Variants in IMPG1 observed in about 807,000 individuals in gnomAD.
IMPG1 encodes the protein interphotoreceptor matrix proteoglycan of 150 kDa.
A neutral mutation model predicts 92.0 loss-of-function variants in IMPG1; 85 were observed. The ratio of observed to expected loss-of-function variants is 0.92; its 90% confidence interval spans 0.78 to 1.11. The LOEUF (loss-of-function observed/expected upper bound fraction) is 1.11, where lower values mean the gene tolerates loss of function less well. Ranked by LOEUF, IMPG1 falls within the 50% of genes least tolerant of loss-of-function variation. The pLI is 0.00. For missense variants in IMPG1, 1,022 were observed against 956.0 expected (o/e 1.07, Z -0.91); for synonymous variants, 367 against 334.1 (o/e 1.10, Z -1.08).
chr6:76,042,682 T>C (rs1036424604), intron 1 of IMPG1, among the ~76,000 whole-genome samples: 2 of 152,116 alleles, frequency 1.3e-5, no homozygotes, highest in African/African-American at 4.8e-5. Flanking sequence ...TAGTTGCATT[T>C]ATAGTACAAG....
At chr6:75,974,376 TTTCTTTCTTTCTTTCTTTTCTTTCTTTCC>T (rs1782486190) in intron 12 of IMPG1, among the ~76,000 whole-genome samples, 1 of 91,042 alleles carries the variant, frequency 1.1e-5, no homozygotes, top group African/African-American at 4.0e-5. Flanking sequence ...TCTTTCTTTC[TTTCTTTCTTTCTTTCTTTTCTTTCTTTCC>T]TTCCTTCCTT....
intron 12 of IMPG1, among the ~76,000 whole-genome samples, chr6:75,967,345 T>C (rs958585014): frequency 5.3e-5 from 8 of 151,922 alleles, no homozygotes; most frequent in African/African-American, 1.9e-4. Context: ...GGGCCTTTGG[T>C]GGGTTGGGGG....
In IMPG1 at chr6:76,022,196, G is replaced by T. The variant is rs767983922; in HGVS notation, c.586C>A (p.Pro196Thr). 1.9e-6 allele frequency: 3 copies of T among 1,591,446 alleles called. No homozygotes were observed. The East Asian group carries it at 6.8e-5, about 36-fold the overall frequency. ...STDVANVSLG[P>T]FPLTPDDTLL... The stretch of plus-strand genomic sequence containing the variant: ...GTGTCATCAGGAGTGAGAGGGAAAG[G>T]CCCAAGTGAGACGTTGGCAACATCT... Residue 196 changes from proline (P) to threonine (T), a missense_variant, in exon 6 of 17, where the codon CCT becomes ACT. Around this residue, in one of 3 missense-constraint regions of IMPG1, gnomAD observed 681 missense variants for 583.6 expected, o/e 1.17. Transcript: ENST00000369950.
chr6:76,035,978 A>G (rs995501354), intron 2 of IMPG1, among the ~76,000 whole-genome samples: 3 of 152,230 alleles, frequency 2.0e-5, no homozygotes, highest in Non-Finnish European at 4.4e-5. Context: ...ATTAAAAATA[A>G]TGATGACAGA....
At chr6:76,027,751 C>T (rs1582115112) in intron 4 of IMPG1, among the ~76,000 whole-genome samples, 1 of 152,160 alleles carries the variant, frequency 6.6e-6, no homozygotes, top group African/African-American at 2.4e-5. Flanking sequence ...CACTAATCTG[C>T]TCTTTGGCAA....
chr6:75,964,363 G>A (rs1259965685), intron 12 of IMPG1, among the ~76,000 whole-genome samples: 3 of 152,128 alleles, frequency 2.0e-5, no homozygotes, highest in African/African-American at 7.2e-5. Flanking sequence ...TGAATTTTAT[G>A]TTATGTGAAT....
rs561500234 is a variant in IMPG1 at position 76,026,040 on chromosome 6, G to T, written c.498-782C>A. Among the ~76,000 whole-genome samples the T allele has an allele frequency of 2.6e-5, 4 of 152,296 alleles. No individual in the cohort carries two copies. In the East Asian group the frequency reaches 5.8e-4, roughly 22 times the overall value. On this transcript the variant is annotated intron_variant, in intron 4 of 16. Coordinates refer to ENST00000369950, the MANE Select transcript of IMPG1 (RefSeq NM_001563.4). The stretch of plus-strand genomic sequence containing the variant: ...TTTGTGCAGTTTGCAGTGGGGAGGA[G>T]CCTGGCCCCTCCTCTTCCTGTGTGG...
chr6:76,070,342 A>G (rs1479518226), intron 1 of IMPG1, among the ~76,000 whole-genome samples: 1 of 152,194 alleles, frequency 6.6e-6, no homozygotes, highest in Non-Finnish European at 1.5e-5. Flanking sequence ...TGTGGAGAAC[A>G]GTAAATGCTT....
At chr6:76,007,197 T>A (rs946103127) in intron 9 of IMPG1, among the ~76,000 whole-genome samples, 6 of 152,196 alleles carry the variant, frequency 3.9e-5, no homozygotes, top group African/African-American at 1.4e-4. Context: ...GCAGCACAGA[T>A]AGTGTTTTTA....
intron 14 of IMPG1, among the ~76,000 whole-genome samples, chr6:75,936,672 T>G (rs1781751964): frequency 6.6e-6 from 1 of 152,206 alleles, no homozygotes; most frequent in Admixed American, 6.5e-5. Context: ...CACACACATC[T>G]TGCCCTGGAT....
Position 76,042,009 on chromosome 6 carries a change from T to C in IMPG1, c.185A>G (p.Asp62Gly). Residue 62 changes from aspartate (D) to glycine (G), a missense_variant, in exon 2 of 17, where the codon GAT (aspartate) becomes GGT (glycine). Transcript: ENST00000369950. ...TCTTTTTGTTCGATGCTTTGCCAAATCGAATATTCGTCTCATAGTTGACAT... is the reference window on the plus strand; with the variant it reads ...TCTTTTTGTTCGATGCTTTGCCAAACCGAATATTCGTCTCATAGTTGACAT... ...YKMSTMRRIF[D>G]LAKHRTKRSA... 1 of 1,613,578 alleles carries C rather than the reference T, an allele frequency of 6.2e-7. No individual in the cohort carries two copies. The highest frequency in any genetic ancestry group is 1.1e-5 in the South Asian group (1 of 91,076).
chr6:76,029,723 C>G (rs768855834), intron 4 of IMPG1, among the ~76,000 whole-genome samples: 1 of 152,130 alleles, frequency 6.6e-6, no homozygotes, highest in Non-Finnish European at 1.5e-5. Context: ...GTGCCCATCA[C>G]CTGGAGGTTT....
At position 75,995,363 on chromosome 6, in the gene IMPG1, G is replaced by A. The variant is rs76792244; in HGVS notation, c.1291+7555C>T. ...AAAACCTTTTAGTGATTCTTTGCAGGGCTTATAAAGCTCTATGCTTCTAGA... is the reference window on the plus strand; with the variant it reads ...AAAACCTTTTAGTGATTCTTTGCAGAGCTTATAAAGCTCTATGCTTCTAGA... On this transcript the variant is annotated intron_variant, in intron 12 of 16. Coordinates refer to ENST00000369950, the MANE Select transcript of IMPG1 (RefSeq NM_001563.4). Among the ~76,000 whole-genome samples the A allele has an allele frequency of 8.5e-3, 1,285 of 152,044 alleles. 11 individuals carry two copies. The highest frequency in any genetic ancestry group is 0.02 in the South Asian group (97 of 4,822).
chr6:76,011,728 CT>C (rs1783188876), intron 7 of IMPG1, among the ~76,000 whole-genome samples: 1 of 108,790 alleles, frequency 9.2e-6, no homozygotes, highest in Non-Finnish European at 1.8e-5. Flanking sequence ...AATGCTATCC[CT>C]CCCCCCTCCC....
At chr6:76,027,231 T>G (rs1395322411) in intron 4 of IMPG1, among the ~76,000 whole-genome samples, 2 of 152,238 alleles carry the variant, frequency 1.3e-5, no homozygotes, top group Admixed American at 6.5e-5. Context: ...ATGCAAGGTT[T>G]GCTAAGTGTT....
intron 12 of IMPG1, among the ~76,000 whole-genome samples, chr6:75,998,414 A>G (rs1782934761): frequency 6.6e-6 from 1 of 152,196 alleles, no homozygotes; most frequent in African/African-American, 2.4e-5. Context: ...AGCTCATGTC[A>G]CGGATTCCTT....
chr6:75,991,860 C>G (rs1193770708), intron 12 of IMPG1, among the ~76,000 whole-genome samples: 1 of 152,160 alleles, frequency 6.6e-6, no homozygotes, highest in Non-Finnish European at 1.5e-5. Flanking sequence ...ATATATGGTA[C>G]TGACATAACG....
Position 75,921,571 on chromosome 6 carries a change from G to A in IMPG1, c.*518C>T, listed in dbSNP as rs1381369484. On this transcript the variant is annotated 3_prime_UTR_variant, in exon 17 of 17. Transcript: ENST00000369950. ...GCCTAATAACTGAATACTGAGGTTT[G>A]TGTTTATCAGACGTAGTGTGGAGCA... The A allele has an allele frequency of 6.5e-6, 1 of 152,726 alleles. No individual in the cohort carries two copies. Among genetic ancestry groups the A allele is most frequent in the Non-Finnish European group, 1.5e-5 (1 of 68,120 alleles). 9.5% of individuals were successfully genotyped at this position (152,726 alleles called of 1,614,324 possible).
At chr6:75,930,891 G>A in intron 15 of IMPG1, 62 bp downstream of exon 15, 2 of 1,387,812 alleles carry the variant, frequency 1.4e-6, no homozygotes, top group Non-Finnish European at 2.0e-6. Context: ...CTCTAATGAT[G>A]GGTTTCTCAG....
Sources: gnomAD v4.1 joint callset for allele counts (sites outside exome capture counted in the v4.1 genomes callset) on GRCh38, gnomAD v4.1.1 for gene constraint, gnomAD v4.1.1 regional missense constraint, MANE v1.5 for transcripts, NCBI Gene and HGNC (gene_info 2026-07-23, HGNC 2026-07-21) for gene names.